The following CYP2C8 variants were observed in gnomAD, a reference collection of about 807,000 sequenced individuals.
CYP2C8 encodes the protein cytochrome P450 family 2 subfamily C member 8, also known as cytochrome P450 2C8.
CYP2C8 carries 51 observed loss-of-function variants against 41.3 expected under a neutral mutation model. The ratio of observed to expected loss-of-function variants is 1.24; its 90% confidence interval spans 0.99 to 1.56. The LOEUF (loss-of-function observed/expected upper bound fraction) is 1.56. Among genes scored for constraint, CYP2C8 ranks in the 40% most tolerant of loss-of-function variants. The pLI is 0.00. For synonymous variants in CYP2C8, 218 were observed against 205.8 expected, an observed-to-expected ratio of 1.06 and a Z score of -0.51; for missense variants, 651 against 579.9, an observed-to-expected ratio of 1.12 and a Z score of -1.26.
At chr10:95,044,924 C>T (rs891200434) in intron 6 of CYP2C8, among the ~76,000 whole-genome samples, 2 of 152,218 alleles carry the variant, frequency 1.3e-5, no homozygotes, top group African/African-American at 4.8e-5. Context: ...ATCCTCTATG[C>T]TGTGTCAATT....
chr10:95,054,967 G>A (rs1187694469), intron 5 of CYP2C8, among the ~76,000 whole-genome samples: 1 of 151,938 alleles, frequency 6.6e-6, no homozygotes, highest in Non-Finnish European at 1.5e-5. Flanking sequence ...TGTAACAAAT[G>A]TGCACATTGT....
rs533966534 is a variant in CYP2C8 at position 95,038,342 on chromosome 10, GC to G, written c.1291+554del. On this transcript the variant is annotated intron_variant, in intron 8 of 8. Transcript: ENST00000371270. Reference sequence around the variant, plus strand: ...ATGCCTCACTGTGTTATATGAGAGAGCAAGAAGCATGCAGAGTCCCCCTCTA... The same window carrying G: ...ATGCCTCACTGTGTTATATGAGAGAGAAGAAGCATGCAGAGTCCCCCTCTA... Among the ~76,000 whole-genome samples the G allele has an allele frequency of 1.7e-4, 26 of 152,310 alleles. 1 individual carries two copies. In the South Asian group the frequency reaches 4.1e-3, roughly 24 times the overall value.
rs572746232 is a variant in CYP2C8, at chr10:95,058,033, TG to T, written c.819+301del. ...AATATTGATATTCATCTTCAGTTTG[TG>T]GTAGGATATTTTGTATTTTCTACTT... On this transcript the variant is annotated intron_variant, in intron 5 of 8. Coordinates refer to ENST00000371270, the MANE Select transcript of CYP2C8 (RefSeq NM_000770.3). Among the ~76,000 whole-genome samples, 64 of 152,330 alleles carry T rather than the reference TG, an allele frequency of 4.2e-4. 1 individual carries two copies. The highest frequency in any genetic ancestry group is 1.4e-3 in the African/African-American group (58 of 41,586).
At chr10:95,058,132 G>A (rs1477254258) in intron 5 of CYP2C8, among the ~76,000 whole-genome samples, 1 of 152,094 alleles carries the variant, frequency 6.6e-6, no homozygotes, top group Non-Finnish European at 1.5e-5. Flanking sequence ...ATTTCAAGAA[G>A]AGGGTCTATG....
rs184677867 is a variant in CYP2C8 at position 95,041,354 on chromosome 10, A to T, written c.1149+1536T>A. ...AATTTCTATTACAGACTTTAAAATCATGAGGGAGATCGTGTTTGCCTCACT... is the reference window on the plus strand; with the variant it reads ...AATTTCTATTACAGACTTTAAAATCTTGAGGGAGATCGTGTTTGCCTCACT... On this transcript the variant is annotated intron_variant, in intron 7 of 8. Coordinates refer to ENST00000371270, the MANE Select transcript of CYP2C8 (RefSeq NM_000770.3). Among the ~76,000 whole-genome samples the T allele has an allele frequency of 8.2e-4, 125 of 152,342 alleles. 1 individual carries two copies. Among genetic ancestry groups the T allele is most frequent in the African/African-American group, 2.9e-3 (121 of 41,594 alleles).
intron 6 of CYP2C8, among the ~76,000 whole-genome samples, chr10:95,044,445 C>G (rs2033068332): frequency 6.6e-6 from 1 of 152,098 alleles, no homozygotes; most frequent in Non-Finnish European, 1.5e-5. Flanking sequence ...ATTTCATTCA[C>G]TCTGCTGGAC....
chr10:95,048,128 G>A (rs1002260465), intron 5 of CYP2C8, among the ~76,000 whole-genome samples: 6 of 152,178 alleles, frequency 3.9e-5, no homozygotes, highest in African/African-American at 7.2e-5. Flanking sequence ...GTGTGTGTGC[G>A]TGTTTGTGAG....
At chr10:95,041,829 A>G (rs1410924882) in intron 7 of CYP2C8, among the ~76,000 whole-genome samples, 1 of 148,430 alleles carries the variant, frequency 6.7e-6, no homozygotes, top group African/African-American at 2.5e-5. Context: ...GTGCAAAACT[A>G]CCAAGGTGCT....
At position 95,069,483 on chromosome 10, in the gene CYP2C8, G is replaced by C. The variant is rs1474868641; in HGVS notation, c.-81C>G. ...AACACTCCCTGCTAATTTAGTGTGT[G>C]TCTCTTTGACATGTAAAGTAAACAA... On this transcript the variant is annotated 5_prime_UTR_variant, in exon 1 of 9. Coordinates refer to ENST00000371270, the MANE Select transcript of CYP2C8 (RefSeq NM_000770.3). 6 of 1,161,822 alleles carry C rather than the reference G, an allele frequency of 5.2e-6. No homozygotes were observed. The highest frequency in any genetic ancestry group is 4.3e-4 in the Middle Eastern group (2 of 4,606). The allele number at this position is 1,161,822 out of a possible 1,614,324, so 72.0% of individuals were successfully genotyped here.
intron 5 of CYP2C8, among the ~76,000 whole-genome samples, chr10:95,050,500 G>A (rs1393547068): frequency 6.6e-6 from 1 of 152,202 alleles, no homozygotes; most frequent in Non-Finnish European, 1.5e-5. Flanking sequence ...CTCACCCAGT[G>A]CAGTCACAGT....
At chr10:95,050,875 CA>C (rs36110618) in intron 5 of CYP2C8, among the ~76,000 whole-genome samples, 9 of 151,578 alleles carry the variant, frequency 5.9e-5, no homozygotes, top group South Asian at 2.1e-4. Flanking sequence ...AGGATGTGTA[CA>C]AAAAAAACCC....
At chr10:95,053,509 A>G (rs2033249768) in intron 5 of CYP2C8, among the ~76,000 whole-genome samples, 1 of 152,196 alleles carries the variant, frequency 6.6e-6, no homozygotes, top group Non-Finnish European at 1.5e-5. Context: ...AAGACTTGGA[A>G]CCAACCCAAA....
intron 6 of CYP2C8, among the ~76,000 whole-genome samples, chr10:95,044,214 T>C (rs937105085): frequency 6.6e-6 from 1 of 152,196 alleles, no homozygotes; most frequent in Non-Finnish European, 1.5e-5. Context: ...CCCCCAGTAT[T>C]GGAGAAACTT....
chr10:95,046,317 T>C (rs1398647999), intron 5 of CYP2C8, among the ~76,000 whole-genome samples: 1 of 152,224 alleles, frequency 6.6e-6, no homozygotes, highest in East Asian at 1.9e-4. Flanking sequence ...TTTCTGATGA[T>C]TCTGAAGGCT....
intron 5 of CYP2C8, among the ~76,000 whole-genome samples, chr10:95,046,304 T>C (rs1387799983): frequency 6.6e-6 from 1 of 152,154 alleles, no homozygotes; most frequent in Non-Finnish European, 1.5e-5. Flanking sequence ...GAAAAGAAAT[T>C]TATTTCTGAT....
In CYP2C8 at chr10:95,037,023, G is replaced by A; in HGVS notation, c.*105C>T. The A allele has an allele frequency of 9.2e-7, 1 of 1,084,810 alleles. No individual in the cohort carries two copies. Among genetic ancestry groups the A allele is most frequent in the Non-Finnish European group, 1.4e-6 (1 of 711,496 alleles). The allele number at this position is 1,084,810 out of a possible 1,614,324, so 67.2% of individuals were successfully genotyped here. A position where few individuals can be genotyped will look rare whatever the true frequency, so the allele number is the denominator to read the frequency against. On this transcript the variant is annotated 3_prime_UTR_variant, in exon 9 of 9. Coordinates refer to ENST00000371270, the MANE Select transcript of CYP2C8 (RefSeq NM_000770.3). ...ATGCTTATGGGATATTGAGTGAATG[G>A]GAAGATTTGATGAGAGGTCAGAGAA...
intron 4 of CYP2C8, among the ~76,000 whole-genome samples, chr10:95,059,969 T>C (rs1270073981): frequency 6.6e-6 from 1 of 152,108 alleles, no homozygotes; most frequent in African/African-American, 2.4e-5. Context: ...TGTGGTATTA[T>C]TTCTGAGGGC....
At chr10:95,038,615 T>C (rs959753492) in intron 8 of CYP2C8, among the ~76,000 whole-genome samples, 2 of 152,068 alleles carry the variant, frequency 1.3e-5, no homozygotes, top group Admixed American at 6.6e-5. Context: ...TAGGAGGAGC[T>C]CTTGGGTGCC....
rs1378779308 is a variant in CYP2C8 at position 95,064,688 on chromosome 10, A to G, written c.642+112T>C. 5.7e-6 allele frequency: 6 copies of G among 1,059,262 alleles called. No homozygotes were observed. The African/African-American group carries it at 6.5e-5, about 11-fold the overall frequency. 65.6% of individuals were successfully genotyped at this position (1,059,262 alleles called of 1,614,324 possible). ...TGGTAATTATTTTCTTCACTCATACATCATTTTTATTGTATAAAAGCATTT... is the reference window on the plus strand; with the variant it reads ...TGGTAATTATTTTCTTCACTCATACGTCATTTTTATTGTATAAAAGCATTT... On this transcript the variant is annotated intron_variant, in intron 4 of 8. Coordinates refer to ENST00000371270, the MANE Select transcript of CYP2C8 (RefSeq NM_000770.3).
Sources: gnomAD v4.1 joint callset for allele counts (sites outside exome capture counted in the v4.1 genomes callset) on GRCh38, gnomAD v4.1.1 for gene constraint, MANE v1.5 for transcripts, NCBI Gene and HGNC (gene_info 2026-07-23, HGNC 2026-07-21) for gene names.